The following TRPM6 variants were observed in gnomAD, a reference collection of about 807,000 sequenced individuals.
TRPM6 encodes transient receptor potential cation channel subfamily M member 6.
In TRPM6, 111 loss-of-function variants were observed where a neutral mutation model predicts 247.6. The observed-to-expected ratio is 0.45, with a 90% CI of 0.38 to 0.52. TRPM6 has a LOEUF of 0.52. Ranked by LOEUF, TRPM6 falls within the 20% of genes least tolerant of loss-of-function variation. The probability of loss-of-function intolerance (pLI) is 0.00; values close to 1 mark genes in which losing one functional copy is unlikely to be tolerated. For missense variants in TRPM6, 2,126 were observed against 2,421.5 expected (o/e 0.88, Z 2.56); for synonymous variants, 892 against 853.8 (o/e 1.04, Z -0.78).
chr9:74,874,962 G>T (rs1036419373), intron 1 of TRPM6, among the ~76,000 whole-genome samples: 1 of 149,394 alleles, frequency 6.7e-6, no homozygotes, highest in Admixed American at 6.7e-5. Context: ...GACAAGTTTC[G>T]CCATATTGGC....
chr9:74,803,477 A>G (rs895630694), intron 15 of TRPM6, among the ~76,000 whole-genome samples: 2 of 152,238 alleles, frequency 1.3e-5, no homozygotes, highest in Admixed American at 1.3e-4. Flanking sequence ...AGGGAACAGC[A>G]CATAAGAGTA....
intron 15 of TRPM6, 24 bp downstream of exon 15, chr9:74,803,770 A>C: frequency 6.5e-7 from 1 of 1,543,030 alleles, no homozygotes; most frequent in Non-Finnish European, 9.0e-7. Flanking sequence ...TTTCCTTTCA[A>C]GTTGAAAAAC....
Position 74,836,953 on chromosome 9 carries a change from G to A in TRPM6, c.545-2831C>T, listed in dbSNP as rs140170294. ...TCAGTTGAAACTAGAATTCATGTCC[G>A]TCTTCCTTGTATTCTCAAAACAGTT... On this transcript the variant is annotated intron_variant, in intron 5 of 38. Transcript: ENST00000360774. 5.7e-3 allele frequency among the ~76,000 whole-genome samples: 869 copies of A among 152,238 alleles called. 4 individuals are homozygous for A. The highest frequency in any genetic ancestry group is 8.4e-3 in the Non-Finnish European group (574 of 68,018).
rs1270286201 is a variant in TRPM6, at chr9:74,827,939, A to C, written c.680T>G (p.Leu227Arg). The change falls in exon 7 of 39, where the codon CTG becomes CGG. Residue 227 changes from leucine to arginine, a missense_variant. Physicochemically the swap from Leu to Arg is moderately radical, Grantham distance 102 (BLOSUM62 -2). Coordinates refer to ENST00000360774, the MANE Select transcript of TRPM6 (RefSeq NM_017662.5). ...RDLIGKDVVCLYQTLDNPLSK... is the reference protein window; with the variant it reads ...RDLIGKDVVCRYQTLDNPLSK... ...GAGGGGGTTATCCAGAGTCTGGTACAGGCACACCACCTGAGAGACAGCAAG... is the reference window on the plus strand; with the variant it reads ...GAGGGGGTTATCCAGAGTCTGGTACCGGCACACCACCTGAGAGACAGCAAG... 3.1e-6 allele frequency: 5 copies of C among 1,613,976 alleles called. No individual in the cohort carries two copies. In the South Asian group the frequency reaches 5.5e-5, roughly 18 times the overall value.
At chr9:74,728,433 T>C (rs563285967) in intron 37 of TRPM6, 88 bp from the exon 38 acceptor site, 367 of 933,450 alleles carry the variant, frequency 3.9e-4, no homozygotes, top group Admixed American at 1.2e-3. Flanking sequence ...CAGTATCCCA[T>C]AGTAACCCAG....
chr9:74,744,852 T>A (rs574277709), intron 31 of TRPM6, among the ~76,000 whole-genome samples: 1 of 152,306 alleles, frequency 6.6e-6, no homozygotes. Context: ...GTAAGCAGCA[T>A]AATGAGCCCA....
intron 27 of TRPM6, among the ~76,000 whole-genome samples, chr9:74,755,725 T>C (rs1243628302): frequency 6.6e-6 from 1 of 152,160 alleles, no homozygotes; most frequent in Non-Finnish European, 1.5e-5. Context: ...CACATCAGAA[T>C]CACCAAGGGC....
At chr9:74,749,701 TAAGA>T (rs1379721406) in intron 30 of TRPM6, among the ~76,000 whole-genome samples, 5 of 152,190 alleles carry the variant, frequency 3.3e-5, no homozygotes, top group Non-Finnish European at 7.4e-5. Flanking sequence ...TTAAGGTCCT[TAAGA>T]AAGAAAGTAC....
chr9:74,840,292 C>G (rs926734125), intron 4 of TRPM6, 55 bp from the exon 5 acceptor site: 7 of 1,330,526 alleles, frequency 5.3e-6, no homozygotes, highest in Admixed American at 3.7e-5. Context: ...TTATGCCAGG[C>G]ACAGAAACAA....
chr9:74,880,413 G>T lies in TRPM6; in HGVS notation c.33+7411C>A, dbSNP rs935156555. ...AGAGCACATTATAGTCAAACTGAAA[G>T]AATTCTAAATTCTAAAAACAGCAAA... On this transcript the variant is annotated intron_variant, in intron 1 of 38. Coordinates refer to ENST00000360774, the MANE Select transcript of TRPM6 (RefSeq NM_017662.5). Among the ~76,000 whole-genome samples, 2 of 152,012 alleles carry T rather than the reference G, an allele frequency of 1.3e-5. 1 individual carries two copies. Among genetic ancestry groups the T allele is most frequent in the Non-Finnish European group, 2.9e-5 (2 of 67,994 alleles).
At chr9:74,828,514 T>A (rs897177750) in intron 6 of TRPM6, among the ~76,000 whole-genome samples, 1 of 152,216 alleles carries the variant, frequency 6.6e-6, no homozygotes, top group Non-Finnish European at 1.5e-5. Context: ...CAACACAAGT[T>A]CAACAGTATT....
At chr9:74,776,668 G>T (rs1827233671) in intron 23 of TRPM6, among the ~76,000 whole-genome samples, 1 of 152,198 alleles carries the variant, frequency 6.6e-6, no homozygotes, top group Admixed American at 6.5e-5. Context: ...GTAACATGGA[G>T]ATAGGATGGT....
At chr9:74,835,841 G>A (rs1829703945) in intron 5 of TRPM6, among the ~76,000 whole-genome samples, 1 of 152,148 alleles carries the variant, frequency 6.6e-6, no homozygotes, top group African/African-American at 2.4e-5. Context: ...TGAATGAAAA[G>A]TACAGAAAGT....
rs1048137401 is a variant in TRPM6, at chr9:74,849,310, C to T, written c.152+6217G>A. On this transcript the variant is annotated intron_variant, in intron 3 of 38. Coordinates refer to ENST00000360774, the MANE Select transcript of TRPM6 (RefSeq NM_017662.5). Reference sequence around the variant, plus strand: ...AGGTTGCAGTGAACTGAGATTGCACCATTGCACTCCAGCCTGGGAAATAAG... The same window carrying T: ...AGGTTGCAGTGAACTGAGATTGCACTATTGCACTCCAGCCTGGGAAATAAG... 2.1e-5 allele frequency among the ~76,000 whole-genome samples: 3 copies of T among 143,352 alleles called. No homozygotes were observed. In the Admixed American group the frequency reaches 2.2e-4, roughly 10 times the overall value. The allele number at this position is 143,352 out of a possible 152,430, so 94.0% of individuals were successfully genotyped here.
rs759141906 is a variant in TRPM6 at position 74,793,914 on chromosome 9, TATGTA to T, written c.2392-1149_2392-1145del. 2.7e-3 allele frequency among the ~76,000 whole-genome samples: 418 copies of T among 152,262 alleles called. 1 individual carries two copies. Among genetic ancestry groups the T allele is most frequent in the Admixed American group, 4.6e-3 (70 of 15,286 alleles). On this transcript the variant is annotated intron_variant, in intron 18 of 38. Transcript: ENST00000360774. ...TCATGTAGAGAATTAGCAATGAGTA[TATGTA>T]AGGCAGAGCAGGAGTTGCCTGAATG... is the stretch of plus-strand genomic sequence containing the variant.
chr9:74,828,247 T>C (rs1262710438), intron 6 of TRPM6, among the ~76,000 whole-genome samples: 1 of 152,046 alleles, frequency 6.6e-6, no homozygotes, highest in East Asian at 1.9e-4. Flanking sequence ...TCCCAGCTAC[T>C]TGGGAGGCTG....
At chr9:74,877,407 C>T (rs1189326864) in intron 1 of TRPM6, among the ~76,000 whole-genome samples, 6 of 152,156 alleles carry the variant, frequency 3.9e-5, no homozygotes, top group Admixed American at 3.9e-4. Context: ...CTGAGACTAA[C>T]AGGGAGCTGC....
chr9:74,795,028 C>G (rs1296292805), intron 18 of TRPM6, among the ~76,000 whole-genome samples: 4 of 152,068 alleles, frequency 2.6e-5, no homozygotes, highest in Non-Finnish European at 5.9e-5. Flanking sequence ...ATACAACTTT[C>G]TTAGTATTAT....
At chr9:74,872,982 G>C (rs763978376) in intron 1 of TRPM6, among the ~76,000 whole-genome samples, 7 of 151,818 alleles carry the variant, frequency 4.6e-5, no homozygotes, top group South Asian at 4.2e-4. Context: ...ACCTTCCAAG[G>C]GCTCGTCATT....
Sources: gnomAD v4.1 joint callset for allele counts (sites outside exome capture counted in the v4.1 genomes callset) on GRCh38, gnomAD v4.1.1 for gene constraint, MANE v1.5 for transcripts, NCBI Gene and HGNC (gene_info 2026-07-23, HGNC 2026-07-21) for gene names.